Variants in GRIK1 observed in about 807,000 individuals in gnomAD.
GRIK1 encodes the protein glutamate ionotropic receptor kainate type subunit 1, also known as glutamate receptor ionotropic, kainate 1.
In GRIK1, 69 loss-of-function variants were observed where a neutral mutation model predicts 105.7. That is an observed-to-expected ratio of 0.65 (90% CI 0.54 to 0.80). GRIK1 has a LOEUF of 0.80. GRIK1 is among the 30% of genes least tolerant of loss of function. The pLI, the probability that GRIK1 is intolerant of heterozygous loss-of-function variation, is 0.00. For synonymous variants in GRIK1, 438 were observed against 431.3 expected, an observed-to-expected ratio of 1.02 and a Z score of -0.19; for missense variants, 1,109 against 1,167.3, an observed-to-expected ratio of 0.95 and a Z score of 0.73.
intron 1 of GRIK1, among the ~76,000 whole-genome samples, chr21:29,937,076 CT>C (rs1299699414): frequency 6.6e-6 from 1 of 152,142 alleles, no homozygotes; most frequent in Non-Finnish European, 1.5e-5. Context: ...ACTCCCCTTT[CT>C]TTTTCCTTAC....
intron 1 of GRIK1, among the ~76,000 whole-genome samples, chr21:29,922,450 A>G (rs898774977): frequency 3.3e-5 from 5 of 152,152 alleles, no homozygotes; most frequent in Admixed American, 3.3e-4. Context: ...TCTATTCTTC[A>G]TAGCCTTTAA....
intron 1 of GRIK1, among the ~76,000 whole-genome samples, chr21:29,719,207 TTATC>T (rs1458286295): frequency 6.6e-6 from 1 of 151,134 alleles, no homozygotes; most frequent in Non-Finnish European, 1.5e-5. Flanking sequence ...GAAAAAATAT[TTATC>T]TAGTATTTTT....
chr21:29,543,899 C>T (rs1258634887), intron 16 of GRIK1, among the ~76,000 whole-genome samples: 1 of 152,210 alleles, frequency 6.6e-6, no homozygotes, highest in Non-Finnish European at 1.5e-5. Flanking sequence ...CCCCTGTCTT[C>T]CTTTCCTTTG....
intron 12 of GRIK1, among the ~76,000 whole-genome samples, chr21:29,585,592 G>A (rs9985106): frequency 0.16 from 23,883 of 152,048 alleles, 2,096 homozygotes; most frequent in Admixed American, 0.24. Flanking sequence ...TTTGCCCTGC[G>A]AAATATGGAA....
At chr21:29,626,198 G>T (rs2062126380) in intron 7 of GRIK1, among the ~76,000 whole-genome samples, 1 of 152,144 alleles carries the variant, frequency 6.6e-6, no homozygotes, top group African/African-American at 2.4e-5. Flanking sequence ...TCATCTCATG[G>T]TGGAACGTGG....
intron 1 of GRIK1, among the ~76,000 whole-genome samples, chr21:29,694,884 T>C (rs1188456773): frequency 6.6e-6 from 1 of 152,236 alleles, no homozygotes; most frequent in Non-Finnish European, 1.5e-5. Context: ...TTTTTTGTGC[T>C]TCATGGCTCA....
chr21:29,789,815 T>C (rs2145814958), intron 1 of GRIK1, among the ~76,000 whole-genome samples: 1 of 152,302 alleles, frequency 6.6e-6, no homozygotes, highest in Non-Finnish European at 1.5e-5. Flanking sequence ...TAGAAACCTG[T>C]AGAGAAACAA....
At position 29,867,843 on chromosome 21, in the gene GRIK1, G is replaced by GAAAGAAAGAAAGAAAGAAAGAAA. The variant is rs1353645612; in HGVS notation, c.118+71539_118+71540insTTTCTTTCTTTCTTTCTTTCTTT. ...ATGAAAGAAAGAAAGAAAGAAAGAA[G>GAAAGAAAGAAAGAAAGAAAGAAA]GAAGGAAAGAGAGAAAGAGAGAGAA... is the stretch of plus-strand genomic sequence containing the variant. On this transcript the variant is annotated intron_variant, in intron 1 of 17. Coordinates refer to ENST00000327783, the MANE Select transcript of GRIK1 (RefSeq NM_001330994.2). Among the ~76,000 whole-genome samples, 752 of 121,852 alleles carry GAAAGAAAGAAAGAAAGAAAGAAA rather than the reference G, an allele frequency of 6.2e-3. 11 individuals carry two copies. The highest frequency in any genetic ancestry group is 0.018 in the African/African-American group (533 of 29,780). 79.9% of individuals were successfully genotyped at this position (121,852 alleles called of 152,430 possible). A position where few individuals can be genotyped will look rare whatever the true frequency, so the allele number is the denominator to read the frequency against.
At chr21:29,614,835 C>A (rs1343202113) in intron 7 of GRIK1, among the ~76,000 whole-genome samples, 1 of 151,570 alleles carries the variant, frequency 6.6e-6, no homozygotes, top group Non-Finnish European at 1.5e-5. Flanking sequence ...GTAGATGCTT[C>A]CCCAGACTTT....
chr21:29,708,415 T>A (rs2057858885), intron 1 of GRIK1, among the ~76,000 whole-genome samples: 1 of 152,258 alleles, frequency 6.6e-6, no homozygotes, highest in African/African-American at 2.4e-5. Flanking sequence ...TAATGTTGAT[T>A]AGATTTTTGG....
chr21:29,549,143 A>G (rs1475787919), intron 16 of GRIK1, among the ~76,000 whole-genome samples: 1 of 152,144 alleles, frequency 6.6e-6, no homozygotes, highest in East Asian at 1.9e-4. Context: ...TCAATCTTTT[A>G]ATGCCTCCCT....
chr21:29,817,937 T>C (rs988941861), intron 1 of GRIK1, among the ~76,000 whole-genome samples: 1 of 152,120 alleles, frequency 6.6e-6, no homozygotes, highest in Admixed American at 6.6e-5. Context: ...CCTCTCCCTA[T>C]TCCTATGGGT....
At chr21:29,624,958 C>T (rs1238588071) in intron 7 of GRIK1, among the ~76,000 whole-genome samples, 4 of 152,226 alleles carry the variant, frequency 2.6e-5, no homozygotes, top group Non-Finnish European at 5.9e-5. Context: ...TTCTTCTTCC[C>T]TTCTCACTAC....
chr21:29,592,866 C>A (rs1036724053), intron 9 of GRIK1, among the ~76,000 whole-genome samples: 3 of 152,202 alleles, frequency 2.0e-5, no homozygotes, highest in Non-Finnish European at 4.4e-5. Context: ...TGACAAGTGG[C>A]AGTTTAGGAA....
chr21:29,553,626 C>A, intron 16 of GRIK1: 1 of 1,609,202 alleles, frequency 6.2e-7, no homozygotes, highest in Non-Finnish European at 8.5e-7. Flanking sequence ...CATTCTAAAT[C>A]CGTAGATAAA....
chr21:29,832,728 G>A (rs2067678467), intron 1 of GRIK1, among the ~76,000 whole-genome samples: 1 of 152,134 alleles, frequency 6.6e-6, no homozygotes, highest in South Asian at 2.1e-4. Context: ...CAGCCCTCTG[G>A]GCCTGTGACA....
At chr21:29,834,877 T>G (rs1022880888) in intron 1 of GRIK1, among the ~76,000 whole-genome samples, 1 of 151,086 alleles carries the variant, frequency 6.6e-6, no homozygotes, top group East Asian at 1.9e-4. Context: ...TATTCAATAT[T>G]AATTAATATT....
intron 3 of GRIK1, among the ~76,000 whole-genome samples, chr21:29,687,013 G>A (rs983320917): frequency 1.3e-5 from 2 of 152,292 alleles, no homozygotes; most frequent in Admixed American, 1.3e-4. Context: ...ATCCAGGAAA[G>A]AGAGAGAAGA....
At chr21:29,686,726 C>A (rs2063493063) in intron 3 of GRIK1, among the ~76,000 whole-genome samples, 1 of 152,316 alleles carries the variant, frequency 6.6e-6, no homozygotes, top group Non-Finnish European at 1.5e-5. Flanking sequence ...GCACTTGGCT[C>A]TTCACAGAAA....
Sources: allele counts gnomAD v4.1 joint callset (sites outside exome capture counted in the v4.1 genomes callset), GRCh38; gene constraint gnomAD v4.1.1; transcripts MANE v1.5; gene names NCBI Gene and HGNC (gene_info 2026-07-23, HGNC 2026-07-21).